The following CCDC85C variants were observed in gnomAD, a reference collection of about 807,000 sequenced individuals.
CCDC85C encodes the protein coiled-coil domain containing 85C, also known as coiled-coil domain-containing protein 85C.
In CCDC85C, 18 loss-of-function variants were observed where a neutral mutation model predicts 38.3. The ratio of observed to expected loss-of-function variants is 0.47; its 90% CI spans 0.33 to 0.70. CCDC85C has a LOEUF of 0.70. Ranked by LOEUF, CCDC85C falls within the 30% of genes least tolerant of loss-of-function variation. CCDC85C has a pLI of 0.03. For missense variants in CCDC85C, 566 were observed against 621.2 expected, an observed-to-expected ratio of 0.91 and a Z score of 0.94; for synonymous variants, 264 against 293.8, an observed-to-expected ratio of 0.90 and a Z score of 1.04.
In CCDC85C at chr14:99,588,358, C is replaced by T. The variant is rs1437820607; in HGVS notation, c.793+14809G>A. 1.3e-5 allele frequency among the ~76,000 whole-genome samples: 2 copies of T among 152,026 alleles called. No individual in the cohort carries two copies. Among genetic ancestry groups the T allele is most frequent in the Non-Finnish European group, 2.9e-5 (2 of 68,006 alleles). ...AGTCCTGTGCACAAACCACCTTCTC[C>T]TCACCCCAGGCCCCGCCGGGTGCTC... On this transcript the variant is annotated intron_variant, in intron 1 of 5. Transcript: ENST00000380243. This position sits in a 1 kb window ranked among gnomAD's most constrained non-coding sequence, Gnocchi z 5.0.
intron 1 of CCDC85C, among the ~76,000 whole-genome samples, chr14:99,540,457 G>A (rs754017694): frequency 9.8e-5 from 15 of 152,326 alleles, no homozygotes; most frequent in East Asian, 7.7e-4. Flanking sequence ...CTCAAAACTC[G>A]TGATCCCACT....
At position 99,603,158 on chromosome 14, in the gene CCDC85C, A is replaced by T. The variant is rs2055223397; in HGVS notation, c.793+9T>A. 1.5e-6 allele frequency: 2 copies of T among 1,360,862 alleles called. No individual in the cohort carries two copies. The highest frequency in any genetic ancestry group is 3.6e-5 in the Admixed American group (1 of 28,094). The allele number at this position is 1,360,862 out of a possible 1,614,324, so 84.3% of individuals were successfully genotyped here. A position where few individuals can be genotyped will look rare whatever the true frequency, so the allele number is the denominator to read the frequency against. ...GAGACCCGCGCTGCCCGGCCCGTGT[A>T]GTCCTTACCGTGCAGGCCGTTGGGG... On this transcript the variant is annotated intron_variant, in intron 1 of 5. Transcript: ENST00000380243. This position sits in a 1 kb window ranked among gnomAD's most constrained non-coding sequence, Gnocchi z 7.5.
intron 1 of CCDC85C, among the ~76,000 whole-genome samples, chr14:99,543,091 A>G (rs1377205933): frequency 6.6e-6 from 1 of 152,248 alleles, no homozygotes; most frequent in Non-Finnish European, 1.5e-5. Flanking sequence ...ATCACAGTCC[A>G]GGCTACCAGT....
intron 2 of CCDC85C, among the ~76,000 whole-genome samples, chr14:99,532,409 G>A (rs572561866): frequency 2.8e-4 from 42 of 152,342 alleles, no homozygotes; most frequent in African/African-American, 7.2e-4. Context: ...TGGGTCCTGC[G>A]GGCTGGGCAA....
intron 1 of CCDC85C, 29 bp from the exon 2 acceptor site, chr14:99,536,117 T>A: frequency 6.8e-7 from 1 of 1,475,640 alleles, no homozygotes; most frequent in African/African-American, 1.4e-5. Context: ...AAGGGGGACA[T>A]TAGCCTCCAG....
At chr14:99,600,031 C>T (rs1335556353) in intron 1 of CCDC85C, among the ~76,000 whole-genome samples, 1 of 152,206 alleles carries the variant, frequency 6.6e-6, no homozygotes, top group Non-Finnish European at 1.5e-5. Flanking sequence ...GCCCAGGGCA[C>T]CCAGCAGGGC....
chr14:99,575,821 G>T (rs922120112), intron 1 of CCDC85C, among the ~76,000 whole-genome samples: 3 of 152,190 alleles, frequency 2.0e-5, no homozygotes, highest in African/African-American at 7.2e-5. Flanking sequence ...GCCCACCCAG[G>T]GACACCCAGG....
intron 1 of CCDC85C, among the ~76,000 whole-genome samples, chr14:99,586,410 G>C (rs1023624850): frequency 2.0e-5 from 3 of 152,232 alleles, no homozygotes; most frequent in Non-Finnish European, 4.4e-5. Flanking sequence ...CCAGGGTGCT[G>C]AATCACCAAA....
At position 99,548,091 on chromosome 14, in the gene CCDC85C, T is replaced by C. The variant is rs189848050; in HGVS notation, c.794-12003A>G. The stretch of plus-strand genomic sequence containing the variant: ...GGAACGACCGTGAAACCCGACTATA[T>C]GAGGATTACGAACGCTGCCAGAGAG... On this transcript the variant is annotated intron_variant, in intron 1 of 5. Coordinates refer to ENST00000380243, the MANE Select transcript of CCDC85C (RefSeq NM_001144995.2). This position sits in a 1 kb window ranked among gnomAD's most constrained non-coding sequence, Gnocchi z 4.9. Among the ~76,000 whole-genome samples, 1,109 of 152,122 alleles carry C rather than the reference T, an allele frequency of 7.3e-3. 3 individuals are homozygous for C. Among genetic ancestry groups the C allele is most frequent in the Non-Finnish European group, 0.01 (696 of 68,004 alleles).
chr14:99,548,404 C>A lies in CCDC85C; in HGVS notation c.794-12316G>T, dbSNP rs1490134201. Among the ~76,000 whole-genome samples the A allele has an allele frequency of 6.6e-6, 1 of 152,060 alleles. No homozygotes were observed. The highest frequency in any genetic ancestry group is 2.4e-5 in the African/African-American group (1 of 41,390). The stretch of plus-strand genomic sequence containing the variant: ...AGTGGTCATGCTGTGTGACGGTGCA[C>A]ACGTAAGAACGGGCCACACAGGGGA... On this transcript the variant is annotated intron_variant, in intron 1 of 5. Coordinates refer to ENST00000380243, the MANE Select transcript of CCDC85C (RefSeq NM_001144995.2). This position sits in a 1 kb window ranked among gnomAD's most constrained non-coding sequence, Gnocchi z 4.9.
At chr14:99,586,525 A>G (rs1211703490) in intron 1 of CCDC85C, among the ~76,000 whole-genome samples, 1 of 152,232 alleles carries the variant, frequency 6.6e-6, no homozygotes, top group East Asian at 1.9e-4. Context: ...GGGCATGGAT[A>G]GGGTGCATGT....
chr14:99,555,353 C>T (rs563485220), intron 1 of CCDC85C, among the ~76,000 whole-genome samples: 4 of 152,190 alleles, frequency 2.6e-5, no homozygotes, highest in African/African-American at 4.8e-5. Flanking sequence ...CTAGGGTGTC[C>T]GCCGGCTTGT....
At chr14:99,601,651 A>T (rs1007823493) in intron 1 of CCDC85C, among the ~76,000 whole-genome samples, 1 of 152,184 alleles carries the variant, frequency 6.6e-6, no homozygotes, top group African/African-American at 2.4e-5. Flanking sequence ...GCAAAATCAA[A>T]GGGGCTGAGG....
chr14:99,583,426 C>G (rs1285685749), intron 1 of CCDC85C, among the ~76,000 whole-genome samples: 2 of 148,208 alleles, frequency 1.3e-5, no homozygotes, highest in Non-Finnish European at 3.0e-5. Flanking sequence ...ATCACTTGAA[C>G]GTGGGAGGCG....
At position 99,507,993 on chromosome 14, in the gene CCDC85C, C is replaced by T. The variant is rs1316622593; in HGVS notation, c.*7253G>A. On this transcript the variant is annotated 3_prime_UTR_variant, in exon 6 of 6. Transcript: ENST00000380243. Reference sequence around the variant, plus strand: ...AAGGCCAGAGTGACCTGTGCTTGCTCTCCAAAAGGTGGTCGATACTCCGGA... The same window carrying T: ...AAGGCCAGAGTGACCTGTGCTTGCTTTCCAAAAGGTGGTCGATACTCCGGA... The T allele has an allele frequency of 6.6e-6, 1 of 152,246 alleles. No individual in the cohort carries two copies. The highest frequency in any genetic ancestry group is 1.5e-5 in the Non-Finnish European group (1 of 68,078). The allele number at this position is 152,246 out of a possible 1,614,324, so 9.4% of individuals were successfully genotyped here. A position where few individuals can be genotyped will look rare whatever the true frequency, so the allele number is the denominator to read the frequency against.
chr14:99,534,475 C>T (rs1897553878), intron 2 of CCDC85C, among the ~76,000 whole-genome samples: 3 of 152,202 alleles, frequency 2.0e-5, no homozygotes, highest in Non-Finnish European at 4.4e-5. Context: ...AGGGCAGACG[C>T]GTGAGGTCAC....
chr14:99,554,262 C>A (rs1897968977), intron 1 of CCDC85C, among the ~76,000 whole-genome samples: 1 of 152,174 alleles, frequency 6.6e-6, no homozygotes, highest in Non-Finnish European at 1.5e-5. Flanking sequence ...GGGACTGTGG[C>A]CATCCCAGCA....
chr14:99,509,677 T>C lies in CCDC85C; in HGVS notation c.*5569A>G. 1 of 172,488 alleles carries C rather than the reference T, an allele frequency of 5.8e-6. No homozygotes were observed. Among genetic ancestry groups the C allele is most frequent in the East Asian group, 1.8e-4 (1 of 5,508 alleles). The allele number at this position is 172,488 out of a possible 1,614,324, so 10.7% of individuals were successfully genotyped here. On this transcript the variant is annotated 3_prime_UTR_variant, in exon 6 of 6. Transcript: ENST00000380243. ...GCTGCTTCGATGGGTACACCGGGAA[T>C]GTCAGAGACTTGTACAGAATTGTTT...
rs886942350 is a variant in CCDC85C at position 99,500,566 on chromosome 14, GT to G, written c.*14679del. The G allele has an allele frequency of 1.8e-6, 1 of 543,314 alleles. No individual in the cohort carries two copies. The highest frequency in any genetic ancestry group is 2.0e-5 in the African/African-American group (1 of 50,278). The allele number at this position is 543,314 out of a possible 1,614,324, so 33.7% of individuals were successfully genotyped here. A position where few individuals can be genotyped will look rare whatever the true frequency, so the allele number is the denominator to read the frequency against. ...TTTTTTTACATTACACCTCTGCTTT[GT>G]CTTCCTGTTTGAGATCTTTTCAGAA... On this transcript the variant is annotated 3_prime_UTR_variant, in exon 6 of 6. Transcript: ENST00000380243.
Sources: gnomAD v4.1 joint callset for allele counts (sites outside exome capture counted in the v4.1 genomes callset) on GRCh38, gnomAD v4.1.1 for gene constraint, Gnocchi (gnomAD v3.1) non-coding constraint, MANE v1.5 for transcripts, NCBI Gene and HGNC (gene_info 2026-07-23, HGNC 2026-07-21) for gene names.